The following SLC8A1 variants were observed in gnomAD, a reference collection of about 807,000 sequenced individuals.
The protein encoded by SLC8A1 is sodium/calcium exchanger 1.
Under a neutral mutation model 68.3 loss-of-function variants are expected in SLC8A1, and 18 were observed. The observed-to-expected ratio is 0.26, with a 90% CI of 0.18 to 0.39. SLC8A1 has a LOEUF of 0.39. Ranked by LOEUF, SLC8A1 falls within the 10% of genes least tolerant of loss-of-function variation. The pLI is 1.00. For missense variants in SLC8A1, 985 were observed against 1,156.7 expected (o/e 0.85, Z 2.15); for synonymous variants, 475 against 415.5 (o/e 1.14, Z -1.74).
intron 2 of SLC8A1, among the ~76,000 whole-genome samples, chr2:40,316,089 G>A (rs1477416846): frequency 6.6e-6 from 1 of 152,032 alleles, no homozygotes; most frequent in East Asian, 1.9e-4. Flanking sequence ...TCTGTCTGTC[G>A]ACAAGACAAC....
chr2:40,174,803 A>T, intron 4 of SLC8A1, 22 bp downstream of exon 5: 2 of 1,607,874 alleles, frequency 1.2e-6, no homozygotes, highest in Non-Finnish European at 1.7e-6. Flanking sequence ...GTTAGATAGC[A>T]TTAGACTTGA....
chr2:40,182,162 T>C (rs2049706416), intron 2 of SLC8A1, among the ~76,000 whole-genome samples: 1 of 152,242 alleles, frequency 6.6e-6, no homozygotes, highest in African/African-American at 2.4e-5. Flanking sequence ...TGCTACTTCT[T>C]TTCTTTAAAT....
intron 1 of SLC8A1, among the ~76,000 whole-genome samples, chr2:40,498,796 CA>C (rs1037357562): frequency 3.9e-5 from 6 of 151,952 alleles, no homozygotes; most frequent in Admixed American, 6.6e-5. Context: ...AGACTGAAAG[CA>C]GGCTAGATGA....
At chr2:40,231,110 G>C (rs1469431068) in intron 2 of SLC8A1, among the ~76,000 whole-genome samples, 1 of 152,130 alleles carries the variant, frequency 6.6e-6, no homozygotes, top group East Asian at 1.9e-4. Context: ...TTGCCTTAGG[G>C]CATAAGATAA....
intron 2 of SLC8A1, among the ~76,000 whole-genome samples, chr2:40,286,128 G>C (rs1044844012): frequency 2.0e-5 from 3 of 152,172 alleles, no homozygotes; most frequent in African/African-American, 7.2e-5. Context: ...GTAGCTAATA[G>C]ATGTCTGTCC....
intron 1 of SLC8A1, among the ~76,000 whole-genome samples, chr2:40,461,156 G>A (rs77879688): frequency 0.024 from 3,591 of 152,166 alleles, 151 homozygotes; most frequent in African/African-American, 0.08. Flanking sequence ...GGTTTCAAGT[G>A]CAACACATAT....
intron 2 of SLC8A1, among the ~76,000 whole-genome samples, chr2:40,382,663 T>TAAAGTA (rs1682241660): frequency 1.7e-5 from 1 of 58,680 alleles, no homozygotes; most frequent in Non-Finnish European, 3.0e-5. Context: ...TGCAACCATC[T>TAAAGTA]AAACTGAAAA....
chr2:40,366,170 G>C (rs1446706601), intron 2 of SLC8A1, among the ~76,000 whole-genome samples: 2 of 151,964 alleles, frequency 1.3e-5, no homozygotes, highest in Admixed American at 6.6e-5. Flanking sequence ...CACCTCATAA[G>C]GGCACTGTCA....
rs369976819 is a variant in SLC8A1 at position 40,372,605 on chromosome 2, T to G, written c.1808+55868A>C. On this transcript the variant is annotated intron_variant, in intron 2 of 7. Transcript: ENST00000406785. The stretch of plus-strand genomic sequence containing the variant: ...ACTTCTTTTCTTTTTTTCTCCTTTC[T>G]CTACTTCTTTTGGCCTTTAGGCTAG... 3.3e-5 allele frequency among the ~76,000 whole-genome samples: 5 copies of G among 152,268 alleles called. No individual in the cohort carries two copies. In the South Asian group the frequency reaches 8.3e-4, roughly 25 times the overall value.
intron 1 of SLC8A1, among the ~76,000 whole-genome samples, chr2:40,502,466 G>A (rs1267431133): frequency 1.3e-5 from 2 of 152,000 alleles, no homozygotes; most frequent in African/African-American, 2.4e-5. Context: ...TAGTAGATGT[G>A]CAATAAATGC....
intron 7 of SLC8A1, among the ~76,000 whole-genome samples, chr2:40,134,218 A>C (rs1445460635): frequency 6.6e-6 from 1 of 151,740 alleles, no homozygotes; most frequent in African/African-American, 2.4e-5. Flanking sequence ...CAGCCTCCCG[A>C]ACAGCTGGGA....
chr2:40,268,479 C>T (rs2065634446), intron 2 of SLC8A1, among the ~76,000 whole-genome samples: 1 of 152,180 alleles, frequency 6.6e-6, no homozygotes, highest in Non-Finnish European at 1.5e-5. Context: ...GTACCAAGCA[C>T]TGGTGGTGCA....
chr2:40,275,865 G>T (rs1035971639), intron 2 of SLC8A1, among the ~76,000 whole-genome samples: 1 of 152,156 alleles, frequency 6.6e-6, no homozygotes, highest in Non-Finnish European at 1.5e-5. Context: ...GTGGGGCATG[G>T]TGGTTTCCTA....
chr2:40,211,159 A>G (rs1272336129), intron 2 of SLC8A1, among the ~76,000 whole-genome samples: 3 of 152,260 alleles, frequency 2.0e-5, no homozygotes, highest in African/African-American at 7.2e-5. Context: ...CTCTCCAGTC[A>G]TCTCACAACA....
chr2:40,273,175 T>A (rs926920867), intron 2 of SLC8A1, among the ~76,000 whole-genome samples: 1 of 152,064 alleles, frequency 6.6e-6, no homozygotes, highest in Admixed American at 6.6e-5. Context: ...ACTCCTGACC[T>A]CATGATCCGC....
chr2:40,430,182 T>G (rs369882822), exon 2 of SLC8A1: 38 of 1,613,680 alleles, frequency 2.4e-5, no homozygotes, highest in Admixed American at 2.0e-4. Context: ...TCTCAGCAAT[T>G]ACATGGTCCA....
chr2:40,376,747 A>G (rs983246344), intron 2 of SLC8A1, among the ~76,000 whole-genome samples: 2 of 152,102 alleles, frequency 1.3e-5, no homozygotes, highest in Non-Finnish European at 2.9e-5. Context: ...TAACTGCCTC[A>G]AAAGTATTGA....
intron 2 of SLC8A1, among the ~76,000 whole-genome samples, chr2:40,381,595 C>T (rs1443312545): frequency 2.6e-5 from 4 of 151,964 alleles, no homozygotes; most frequent in African/African-American, 9.7e-5. Context: ...AAACTTCCTT[C>T]ATGATCTCTG....
intron 1 of SLC8A1, among the ~76,000 whole-genome samples, chr2:40,448,092 C>G (rs962807609): frequency 6.6e-6 from 1 of 152,188 alleles, no homozygotes; most frequent in Non-Finnish European, 1.5e-5. Flanking sequence ...GCAAGGACTA[C>G]GAGCAACTGT....
Sources: allele counts gnomAD v4.1 joint callset (sites outside exome capture counted in the v4.1 genomes callset), GRCh38; gene constraint gnomAD v4.1.1; transcripts MANE v1.5; gene names NCBI Gene and HGNC (gene_info 2026-07-23, HGNC 2026-07-21).